RFTN1: variants seen among roughly 807,000 people sequenced by gnomAD.
RFTN1 encodes raftlin, lipid raft linker 1, also known as raftlin.
RFTN1 carries 26 observed loss-of-function variants against 46.5 expected under a neutral mutation model. The ratio of observed to expected loss-of-function variants is 0.56; its 90% CI spans 0.41 to 0.78. The LOEUF is 0.78. Among genes scored for constraint, RFTN1 ranks in the 30% least tolerant of loss-of-function variants. The pLI, the probability that RFTN1 is intolerant of heterozygous loss-of-function variation, is 0.00. For synonymous variants in RFTN1, 261 were observed against 284.2 expected, an observed-to-expected ratio of 0.92 and a Z score of 0.82; for missense variants, 693 against 718.7, an observed-to-expected ratio of 0.96 and a Z score of 0.41.
chr3:16,485,564 T>C (rs925213594), intron 2 of RFTN1, among the ~76,000 whole-genome samples: 7 of 152,230 alleles, frequency 4.6e-5, no homozygotes, highest in Non-Finnish European at 8.8e-5. Context: ...TATGATTCTA[T>C]GTACATGTTA....
chr3:16,419,861 A>C (rs1265381428), intron 3 of RFTN1, among the ~76,000 whole-genome samples: 1 of 152,142 alleles, frequency 6.6e-6, no homozygotes, highest in East Asian at 1.9e-4. Flanking sequence ...CTTCTAGCAG[A>C]AGACATTCAG....
At chr3:16,378,380 T>C (rs1244611372) in intron 4 of RFTN1, among the ~76,000 whole-genome samples, 2 of 149,544 alleles carry the variant, frequency 1.3e-5, no homozygotes, top group Admixed American at 6.8e-5. Flanking sequence ...AACACTACAC[T>C]AGTCCTTATT....
rs375698878 is a variant in RFTN1, at chr3:16,433,855, C to A, written c.328G>T (p.Asp110Tyr). Residue 110 changes from aspartate to tyrosine, a missense_variant, in exon 3 of 10, where the codon GAC (aspartate) becomes TAC (tyrosine). By Grantham distance (160) the Asp-to-Tyr change is radical. Coordinates refer to ENST00000334133, the MANE Select transcript of RFTN1 (RefSeq NM_015150.2). This position sits in a 1 kb window ranked among gnomAD's most constrained non-coding sequence, Gnocchi z 4.4. ...IFRAILIKKTDRSQKTDLHNE... is the reference protein window; with the variant it reads ...IFRAILIKKTYRSQKTDLHNE... ...ATTCACCCGTGGAGGCCTTACCTGT[C>A]GGTTTTCTTGATCAGGATGGCTCTA... 6.2e-7 allele frequency: 1 copy of A among 1,614,166 alleles called. No homozygotes were observed.
At chr3:16,391,856 AG>A (rs1265130701) in intron 4 of RFTN1, among the ~76,000 whole-genome samples, 18 of 126,392 alleles carry the variant, frequency 1.4e-4, no homozygotes, top group Non-Finnish European at 2.5e-4. Flanking sequence ...TCTAGTGCAA[AG>A]GTTTTTTTTT....
intron 2 of RFTN1, among the ~76,000 whole-genome samples, chr3:16,444,289 T>G (rs985125033): frequency 6.6e-6 from 1 of 152,226 alleles, no homozygotes; most frequent in Non-Finnish European, 1.5e-5. Context: ...CTAATGAGTA[T>G]GTACAAACAA....
chr3:16,485,407 G>A (rs1395429915), intron 2 of RFTN1, among the ~76,000 whole-genome samples: 2 of 152,092 alleles, frequency 1.3e-5, no homozygotes, highest in East Asian at 1.9e-4. Flanking sequence ...CAACAGCAAG[G>A]ACTCCATATA....
rs1275473592 is a variant in RFTN1 at position 16,512,605 on chromosome 3, C to T, written c.-9+837G>A. Among the ~76,000 whole-genome samples, 1 of 152,130 alleles carries T rather than the reference C, an allele frequency of 6.6e-6. No homozygotes were observed. Among genetic ancestry groups the T allele is most frequent in the Admixed American group, 6.5e-5 (1 of 15,288 alleles). ...TTGGCCTCCACGCGGTTCTTGCTGC[C>T]AAAGGCAGCGACACCGGAGGTGAAG... On this transcript the variant is annotated intron_variant, in intron 1 of 9. Coordinates refer to ENST00000334133, the MANE Select transcript of RFTN1 (RefSeq NM_015150.2). This position sits in a 1 kb window ranked among gnomAD's most constrained non-coding sequence, Gnocchi z 4.3.
At chr3:16,396,543 A>C (rs534036623) in intron 4 of RFTN1, among the ~76,000 whole-genome samples, 1 of 152,360 alleles carries the variant, frequency 6.6e-6, no homozygotes, top group African/African-American at 2.4e-5. Flanking sequence ...AGTGCCGAGC[A>C]CGTCTTTCTA....
intron 7 of RFTN1, among the ~76,000 whole-genome samples, chr3:16,347,016 G>A (rs1006669213): frequency 3.9e-5 from 6 of 152,146 alleles, no homozygotes; most frequent in Admixed American, 2.0e-4. Flanking sequence ...TGCTATGAAC[G>A]GTGGAAAGCA....
chr3:16,453,903 C>A (rs1395036824), intron 2 of RFTN1, among the ~76,000 whole-genome samples: 1 of 152,140 alleles, frequency 6.6e-6, no homozygotes, highest in African/African-American at 2.4e-5. Flanking sequence ...TTAAGGCAAG[C>A]AAAATGCAAA....
chr3:16,385,165 G>A lies in RFTN1; in HGVS notation c.442-7063C>T, dbSNP rs2074125340. ...AGAACAGGTACAAAAATGCCATTCT[G>A]GGTTGCAGTTACACATGAGTCTTTA... On this transcript the variant is annotated intron_variant, in intron 4 of 9. Coordinates refer to ENST00000334133, the MANE Select transcript of RFTN1 (RefSeq NM_015150.2). The surrounding 1 kb of genome is among the most constrained non-coding windows in gnomAD (Gnocchi z 5.0). 6.6e-6 allele frequency among the ~76,000 whole-genome samples: 1 copy of A among 152,152 alleles called. No homozygotes were observed. Among genetic ancestry groups the A allele is most frequent in the African/African-American group, 2.4e-5 (1 of 41,410 alleles).
At chr3:16,502,203 C>CA (rs1671850942) in intron 1 of RFTN1, among the ~76,000 whole-genome samples, 2 of 151,804 alleles carry the variant, frequency 1.3e-5, no homozygotes, top group Non-Finnish European at 2.9e-5. Flanking sequence ...TCTGTCTCTA[C>CA]AAAAAAATTT....
At chr3:16,330,804 G>A (rs1222554475) in intron 7 of RFTN1, among the ~76,000 whole-genome samples, 2 of 152,056 alleles carry the variant, frequency 1.3e-5, no homozygotes, top group African/African-American at 4.8e-5. Flanking sequence ...CCAAAAATTA[G>A]GACAACAGAA....
chr3:16,406,802 G>C (rs2125442933), intron 4 of RFTN1, among the ~76,000 whole-genome samples: 1 of 152,266 alleles, frequency 6.6e-6, no homozygotes, highest in South Asian at 2.1e-4. Context: ...TTCACTAAAA[G>C]TCAGTTTCTA....
intron 1 of RFTN1, among the ~76,000 whole-genome samples, chr3:16,511,147 A>G (rs888661470): frequency 6.6e-6 from 1 of 152,204 alleles, no homozygotes; most frequent in Non-Finnish European, 1.5e-5. Context: ...GAGAATGAGG[A>G]TGAAGGCACC....
chr3:16,435,149 A>G lies in RFTN1; in HGVS notation c.146-1112T>C, dbSNP rs531975072. 2.6e-5 allele frequency among the ~76,000 whole-genome samples: 4 copies of G among 152,366 alleles called. No individual in the cohort carries two copies. The South Asian group carries it at 8.3e-4, about 32-fold the overall frequency. On this transcript the variant is annotated intron_variant, in intron 2 of 9. Coordinates refer to ENST00000334133, the MANE Select transcript of RFTN1 (RefSeq NM_015150.2). ...AAATCAGTATTATCTTTTTGTGTGTATATGCATTAACAATCAAAGAATTCA... is the reference window on the plus strand; with the variant it reads ...AAATCAGTATTATCTTTTTGTGTGTGTATGCATTAACAATCAAAGAATTCA...
At chr3:16,455,164 T>G (rs969807225) in intron 2 of RFTN1, among the ~76,000 whole-genome samples, 1 of 152,216 alleles carries the variant, frequency 6.6e-6, no homozygotes, top group Admixed American at 6.5e-5. Flanking sequence ...AGCAAACAGC[T>G]GCAGCAACAG....
In RFTN1 at chr3:16,365,534, A is replaced by G. The variant is rs115673202; in HGVS notation, c.1030+4542T>C. ...CATGGAGGATATGCTAGGTGTCAAA[A>G]AAAGGTGGTATAAATACCCATACAA... is the stretch of plus-strand genomic sequence containing the variant. On this transcript the variant is annotated intron_variant, in intron 6 of 9. Coordinates refer to ENST00000334133, the MANE Select transcript of RFTN1 (RefSeq NM_015150.2). Among the ~76,000 whole-genome samples the G allele has an allele frequency of 9.3e-3, 1,420 of 152,320 alleles. 27 individuals are homozygous for G. The highest frequency in any genetic ancestry group is 0.033 in the African/African-American group (1,359 of 41,546).
rs543428264 is a variant in RFTN1 at position 16,353,498 on chromosome 3, CCAGCAG to C, written c.1146+4428_1146+4433del. On this transcript the variant is annotated intron_variant, in intron 7 of 9. Coordinates refer to ENST00000334133, the MANE Select transcript of RFTN1 (RefSeq NM_015150.2). The surrounding 1 kb of genome is among the most constrained non-coding windows in gnomAD (Gnocchi z 5.4). ...GGATTCTCAAGGTGGGGTTCCCACA[CCAGCAG>C]CAGCAGCTCACTTGAAAATGTTTTA... is the stretch of plus-strand genomic sequence containing the variant. Among the ~76,000 whole-genome samples the C allele has an allele frequency of 1.3e-3, 203 of 152,274 alleles. No homozygotes were observed. Among genetic ancestry groups the C allele is most frequent in the African/African-American group, 4.7e-3 (196 of 41,550 alleles).
Sources: allele counts gnomAD v4.1 joint callset (sites outside exome capture counted in the v4.1 genomes callset), GRCh38; gene constraint gnomAD v4.1.1; non-coding constraint Gnocchi (gnomAD v3.1); transcripts MANE v1.5; gene names NCBI Gene and HGNC (gene_info 2026-07-23, HGNC 2026-07-21).